Variants in PRIMA1 observed in about 807,000 individuals in gnomAD.
PRIMA1 encodes proline-rich membrane anchor 1.
In PRIMA1, 7 loss-of-function variants were observed where a neutral mutation model predicts 17.5. The ratio of observed to expected loss-of-function variants is 0.40; its 90% CI spans 0.23 to 0.75. PRIMA1 has a LOEUF of 0.75. PRIMA1 is among the 30% of genes least tolerant of loss of function. The pLI is 0.37. For missense variants in PRIMA1, 200 were observed against 201.8 expected, an observed-to-expected ratio of 0.99 and a Z score of 0.05; for synonymous variants, 97 against 77.9, an observed-to-expected ratio of 1.25 and a Z score of -1.29.
chr14:93,727,757 G>A (rs1379203932), intron 4 of PRIMA1, among the ~76,000 whole-genome samples: 1 of 151,160 alleles, frequency 6.6e-6, no homozygotes, highest in Non-Finnish European at 1.5e-5. Flanking sequence ...CCCAGGTCAC[G>A]GAACCCCCCT....
intron 3 of PRIMA1, among the ~76,000 whole-genome samples, chr14:93,750,386 G>A (rs1330188422): frequency 6.6e-6 from 1 of 152,198 alleles, no homozygotes; most frequent in Non-Finnish European, 1.5e-5. Flanking sequence ...TAGCCTGGGT[G>A]ACAGAGCAAG....
Position 93,787,683 on chromosome 14 carries a change from G to A in PRIMA1, c.36C>T (p.Cys12=). The A allele has an allele frequency of 6.5e-7, 1 of 1,544,452 alleles. No individual in the cohort carries two copies. Among genetic ancestry groups the A allele is most frequent in the Non-Finnish European group, 8.7e-7 (1 of 1,146,772 alleles). Residue 12 remains cysteine (C), a synonymous_variant, in exon 2 of 5, where the codon TGC becomes TGT. Coordinates refer to ENST00000393140, the MANE Select transcript of PRIMA1 (RefSeq NM_178013.4). ...AGTGCAGCAGCAGCGAGGACCAGCA[G>A]CAGCCACGGCGCAGCACCAAGTCCC... ...LLRDLVLRRG[C]CWSSLLLHCA... is the part of the protein sequence containing the mutation.
At position 93,742,844 on chromosome 14, in the gene PRIMA1, G is replaced by A. The variant is rs370168123; in HGVS notation, c.230-5474C>T. 4.6e-5 allele frequency among the ~76,000 whole-genome samples: 7 copies of A among 152,278 alleles called. No homozygotes were observed. The East Asian group carries it at 5.8e-4, about 13-fold the overall frequency. On this transcript the variant is annotated intron_variant, in intron 3 of 4. Coordinates refer to ENST00000393140, the MANE Select transcript of PRIMA1 (RefSeq NM_178013.4). ...TCAGTTATATTCCCCTTTCAGAAGT[G>A]GAGAAACAGGCCACACAGCCAGGGG...
chr14:93,745,846 C>T (rs2076213853), intron 3 of PRIMA1, among the ~76,000 whole-genome samples: 1 of 152,228 alleles, frequency 6.6e-6, no homozygotes, highest in South Asian at 2.1e-4. Context: ...TGACTTTGGG[C>T]AAGTCATTGA....
chr14:93,779,443 G>T (rs1885319345), intron 2 of PRIMA1, 132 bp from the exon 3 acceptor site: 1 of 738,176 alleles, frequency 1.4e-6, no homozygotes, highest in Non-Finnish European at 2.1e-6. Flanking sequence ...AAGGCAGGAA[G>T]AATCAACAGA....
intron 3 of PRIMA1, among the ~76,000 whole-genome samples, chr14:93,739,417 A>C (rs2076171054): frequency 6.6e-6 from 1 of 152,208 alleles, no homozygotes; most frequent in Non-Finnish European, 1.5e-5. Context: ...ACTATCTTGA[A>C]TAGAACTGCT....
At chr14:93,754,194 T>C (rs921130140) in intron 3 of PRIMA1, among the ~76,000 whole-genome samples, 2 of 152,192 alleles carry the variant, frequency 1.3e-5, no homozygotes, top group African/African-American at 2.4e-5. Flanking sequence ...TCCTGATCCA[T>C]CAGGAGCTGT....
In PRIMA1 at chr14:93,721,352, A is replaced by C. The variant is rs2076036468; in HGVS notation, c.*92T>G. The C allele has an allele frequency of 6.5e-6, 5 of 773,754 alleles. No individual in the cohort carries two copies. The East Asian group carries it at 1.2e-4, about 19-fold the overall frequency. The allele number at this position is 773,754 out of a possible 1,614,324, so 47.9% of individuals were successfully genotyped here. On this transcript the variant is annotated 3_prime_UTR_variant, in exon 5 of 5. Transcript: ENST00000393140. ...CCTGTGAGGCAATGAAGTCCTGGACAAGCTCAGGGTTAGCTCATGTCCACC... is the reference window on the plus strand; with the variant it reads ...CCTGTGAGGCAATGAAGTCCTGGACCAGCTCAGGGTTAGCTCATGTCCACC...
At chr14:93,757,818 C>A (rs936654350) in intron 3 of PRIMA1, among the ~76,000 whole-genome samples, 1 of 152,174 alleles carries the variant, frequency 6.6e-6, no homozygotes, top group Non-Finnish European at 1.5e-5. Flanking sequence ...TAATGCCATT[C>A]GATTCTGCTA....
At chr14:93,725,991 C>A in intron 4 of PRIMA1, 1 of 456,404 alleles carries the variant, frequency 2.2e-6, no homozygotes, top group African/African-American at 2.0e-5. Context: ...AGAGGGCTCC[C>A]TAGATGGCAT....
intron 3 of PRIMA1, among the ~76,000 whole-genome samples, chr14:93,777,102 G>A (rs1028885652): frequency 1.3e-5 from 2 of 152,200 alleles, no homozygotes; most frequent in South Asian, 2.1e-4. Flanking sequence ...TTGGATATGC[G>A]TGAATGTAGA....
intron 3 of PRIMA1, among the ~76,000 whole-genome samples, chr14:93,755,665 C>G (rs2076286275): frequency 6.6e-6 from 1 of 152,140 alleles, no homozygotes; most frequent in Non-Finnish European, 1.5e-5. Context: ...TTGAAATATT[C>G]CGATTTCCAG....
chr14:93,745,845 G>A (rs1041363015), intron 3 of PRIMA1, among the ~76,000 whole-genome samples: 18 of 152,244 alleles, frequency 1.2e-4, no homozygotes, highest in African/African-American at 4.3e-4. Context: ...CTGACTTTGG[G>A]CAAGTCATTG....
intron 3 of PRIMA1, among the ~76,000 whole-genome samples, chr14:93,752,662 C>G (rs2076267504): frequency 6.6e-6 from 1 of 151,982 alleles, no homozygotes; most frequent in Non-Finnish European, 1.5e-5. Context: ...CTGGCTTGTC[C>G]AAGGATAGGG....
At position 93,768,809 on chromosome 14, in the gene PRIMA1, C is replaced by CTT. The variant is rs34349782; in HGVS notation, c.229+10365_229+10366dup. 6.3e-3 allele frequency among the ~76,000 whole-genome samples: 878 copies of CTT among 138,762 alleles called. 12 individuals are homozygous for CTT. The highest frequency in any genetic ancestry group is 0.016 in the South Asian group (72 of 4,400). The allele number at this position is 138,762 out of a possible 152,430, so 91.0% of individuals were successfully genotyped here. ...TAAAAAAGATATGATCACTTTTTTT[C>CTT]TTTTTTTTTTTTTTGAGATGGAGTC... On this transcript the variant is annotated intron_variant, in intron 3 of 4. Transcript: ENST00000393140.
At chr14:93,725,457 AC>A (rs1017191128) in intron 4 of PRIMA1, among the ~76,000 whole-genome samples, 1 of 151,248 alleles carries the variant, frequency 6.6e-6, no homozygotes, top group Non-Finnish European at 1.5e-5. Flanking sequence ...CCACCTCTGC[AC>A]CCCCCCAACT....
chr14:93,756,587 C>T (rs560934244), intron 3 of PRIMA1, among the ~76,000 whole-genome samples: 1 of 152,148 alleles, frequency 6.6e-6, no homozygotes, highest in South Asian at 2.1e-4. Flanking sequence ...TTGATCAGTC[C>T]CATGCCTTCA....
At chr14:93,768,876 G>A (rs1209092877) in intron 3 of PRIMA1, among the ~76,000 whole-genome samples, 1 of 150,440 alleles carries the variant, frequency 6.6e-6, no homozygotes, top group East Asian at 2.0e-4. Context: ...TGCGATCTTG[G>A]CTCACCGCGA....
rs2076035508 is a variant in PRIMA1 at position 93,721,215 on chromosome 14, C to T, written c.*229G>A. 14 of 527,236 alleles carry T rather than the reference C, an allele frequency of 2.7e-5. No homozygotes were observed. The South Asian group carries it at 3.5e-4, about 13-fold the overall frequency. 32.7% of individuals were successfully genotyped at this position (527,236 alleles called of 1,614,324 possible). ...GGATGTGGAGGGCCTGGGGTGGGGA[C>T]ACTGCCCAGGTGCTGCGCCGGGCTC... On this transcript the variant is annotated 3_prime_UTR_variant, in exon 5 of 5. Coordinates refer to ENST00000393140, the MANE Select transcript of PRIMA1 (RefSeq NM_178013.4).
Sources: gnomAD v4.1 joint callset for allele counts (sites outside exome capture counted in the v4.1 genomes callset) on GRCh38, gnomAD v4.1.1 for gene constraint, MANE v1.5 for transcripts, NCBI Gene and HGNC (gene_info 2026-07-23, HGNC 2026-07-21) for gene names.